The following IQGAP3 variants were observed in gnomAD, a reference collection of about 807,000 sequenced individuals.
IQGAP3 encodes ras GTPase-activating-like protein IQGAP3.
Under a neutral mutation model 208.2 loss-of-function variants are expected in IQGAP3, and 165 were observed. The observed-to-expected ratio is 0.79, with a 90% CI of 0.70 to 0.90. The LOEUF (loss-of-function observed/expected upper bound fraction) is 0.90, where lower values mean the gene tolerates loss of function less well. Among genes scored for constraint, IQGAP3 ranks in the 40% least tolerant of loss-of-function variants. The probability of loss-of-function intolerance (pLI) is 0.00; values close to 1 mark genes in which losing one functional copy is unlikely to be tolerated. For synonymous variants in IQGAP3, 703 were observed against 803.6 expected, an observed-to-expected ratio of 0.87 and a Z score of 2.12; for missense variants, 1,811 against 2,043.1, an observed-to-expected ratio of 0.89 and a Z score of 2.19.
Position 156,537,041 on chromosome 1 carries a change from AG to A in IQGAP3, c.3422+139del. ...CTTCGAGCATTCCCCACATCTCTTC[AG>A]GAACCCCTCTGAGTACCCCTGGCTC... On this transcript the variant is annotated intron_variant, in intron 27 of 37. Transcript: ENST00000361170. 3.4e-6 allele frequency: 3 copies of A among 879,218 alleles called. No individual in the cohort carries two copies. The South Asian group carries it at 5.5e-5, about 16-fold the overall frequency. The allele number at this position is 879,218 out of a possible 1,614,324, so 54.5% of individuals were successfully genotyped here.
rs564259420 is a variant in IQGAP3 at position 156,531,369 on chromosome 1, G to A, written c.4104-122C>T. On this transcript the variant is annotated intron_variant, in intron 32 of 37. Transcript: ENST00000361170. Reference sequence around the variant, plus strand: ...CTATAGCATGGCTGCTAGGATATAAGGAGAGAGAGCGAGGGATAGGGGATG... The same window carrying A: ...CTATAGCATGGCTGCTAGGATATAAAGAGAGAGAGCGAGGGATAGGGGATG... 59 of 741,144 alleles carry A rather than the reference G, an allele frequency of 8.0e-5. No individual in the cohort carries two copies. The South Asian group carries it at 8.0e-4, about 10-fold the overall frequency. The allele number at this position is 741,144 out of a possible 1,614,324, so 45.9% of individuals were successfully genotyped here.
intron 10 of IQGAP3, among the ~76,000 whole-genome samples, 155 bp downstream of exon 10, chr1:156,561,683 T>C (rs1557943668): frequency 6.6e-6 from 1 of 152,304 alleles, no homozygotes; most frequent in East Asian, 1.9e-4. Context: ...AGCTGATCAA[T>C]CTGGTCTACT....
intron 35 of IQGAP3, 109 bp downstream of exon 35, chr1:156,528,807 T>G (rs1279555171): frequency 7.4e-7 from 1 of 1,343,666 alleles, no homozygotes; most frequent in Non-Finnish European, 1.0e-6. Flanking sequence ...GACTGTGCTG[T>G]GCTGGGTGAG....
intron 22 of IQGAP3, 61 bp downstream of exon 22, chr1:156,543,920 G>T: frequency 6.9e-7 from 1 of 1,445,400 alleles, no homozygotes; most frequent in Non-Finnish European, 9.7e-7. Context: ...GTCTAGACCT[G>T]CCTGGCTCTG....
chr1:156,552,357 T>C (rs898489842), intron 13 of IQGAP3, among the ~76,000 whole-genome samples: 2 of 152,182 alleles, frequency 1.3e-5, no homozygotes, highest in African/African-American at 4.8e-5. Flanking sequence ...CCCAATCTCA[T>C]GACTTTAACA....
chr1:156,566,365 A>G (rs1272863427), intron 3 of IQGAP3, 25 bp downstream of exon 3: 1 of 1,611,058 alleles, frequency 6.2e-7, no homozygotes, highest in Admixed American at 1.7e-5. Context: ...GGACGAAGGT[A>G]GAAGGTGGGG....
intron 9 of IQGAP3, among the ~76,000 whole-genome samples, 192 bp from the exon 10 acceptor site, chr1:156,562,193 C>T (rs2102435771): frequency 6.6e-6 from 1 of 152,144 alleles, no homozygotes; most frequent in South Asian, 2.1e-4. Flanking sequence ...ACTTCGCCGC[C>T]CCAGACCCCA....
chr1:156,563,899 G>T, intron 5 of IQGAP3, 75 bp from the exon 6 acceptor site: 1 of 1,253,256 alleles, frequency 8.0e-7, no homozygotes, highest in East Asian at 2.4e-5. Flanking sequence ...TGGGTTTGAA[G>T]GGGATACTAT....
At chr1:156,540,645 G>T in intron 23 of IQGAP3, 63 bp downstream of exon 23, 2 of 1,429,892 alleles carry the variant, frequency 1.4e-6, no homozygotes, top group South Asian at 2.3e-5. Flanking sequence ...GCAGAGAATG[G>T]TCAGCATCAC....
intron 37 of IQGAP3, 63 bp from the exon 38 acceptor site, chr1:156,526,662 G>A (rs1674079501): frequency 2.7e-6 from 3 of 1,128,192 alleles, no homozygotes; most frequent in South Asian, 2.5e-5. Context: ...GTCAGATGGT[G>A]TACAAAACAC....
At chr1:156,563,918 A>G (rs1676284034) in intron 5 of IQGAP3, 94 bp from the exon 6 acceptor site, 1 of 981,382 alleles carries the variant, frequency 1.0e-6, no homozygotes, top group Admixed American at 2.3e-5. Context: ...ATGGGGACCT[A>G]GAGATGAAGA....
chr1:156,569,165 C>T (rs1374651304), intron 2 of IQGAP3, among the ~76,000 whole-genome samples: 2 of 151,582 alleles, frequency 1.3e-5, no homozygotes, highest in African/African-American at 2.4e-5. Flanking sequence ...CGAACGTCCA[C>T]ATATTTTGGA....
chr1:156,563,905 A>G, intron 5 of IQGAP3, 81 bp from the exon 6 acceptor site: 1 of 1,143,810 alleles, frequency 8.7e-7, no homozygotes. Context: ...TGAAGGGGAT[A>G]CTATGGGGAC....
intron 27 of IQGAP3, 27 bp downstream of exon 27, chr1:156,537,154 A>G (rs1371307704): frequency 1.2e-6 from 2 of 1,604,500 alleles, no homozygotes; most frequent in African/African-American, 2.7e-5. Flanking sequence ...TCCCATGCGT[A>G]GGCTGGGGTG....
At chr1:156,547,422 C>G (rs1557931770) in intron 19 of IQGAP3, among the ~76,000 whole-genome samples, 3 of 144,316 alleles carry the variant, frequency 2.1e-5, no homozygotes, top group Admixed American at 6.9e-5. Context: ...CACACACACA[C>G]ACAGACACAC....
At chr1:156,553,616 T>C (rs1212334640) in intron 13 of IQGAP3, among the ~76,000 whole-genome samples, 3 of 150,552 alleles carry the variant, frequency 2.0e-5, no homozygotes, top group African/African-American at 7.3e-5. Flanking sequence ...AGTTTCGCTC[T>C]TGTTGCCCAG....
At chr1:156,537,406 T>C in intron 26 of IQGAP3, 85 bp from the exon 27 acceptor site, 1 of 1,324,868 alleles carries the variant, frequency 7.5e-7, no homozygotes, top group Non-Finnish European at 1.0e-6. Context: ...AACGCTTGTC[T>C]AACAACAAGA....
At chr1:156,560,071 C>T (rs1302438209) in intron 11 of IQGAP3, among the ~76,000 whole-genome samples, 1 of 152,198 alleles carries the variant, frequency 6.6e-6, no homozygotes, top group Non-Finnish European at 1.5e-5. Flanking sequence ...AACCTGACAG[C>T]AAGTCCAGAC....
Position 156,548,388 on chromosome 1 carries a change from C to T in IQGAP3, c.2093G>A (p.Cys698Tyr), listed in dbSNP as rs1254902286. ...GGTCAGGTGAGAGGTGTTGAGGGGG[C>T]AGCCAGGAGGTTGCTCCCAGATCCC... is the stretch of plus-strand genomic sequence containing the variant. ...FQGIWEQPPG[C>Y]PLNTSHLTRE... Residue 698 changes from cysteine (C) to tyrosine (Y), a missense_variant, in exon 18 of 38, where the codon TGC becomes TAC. Physicochemically the swap from Cys to Tyr is radical, Grantham distance 194. Transcript: ENST00000361170. The T allele has an allele frequency of 6.2e-7, 1 of 1,613,830 alleles. No individual in the cohort carries two copies. Among genetic ancestry groups the T allele is most frequent in the Non-Finnish European group, 8.5e-7 (1 of 1,179,978 alleles).
Sources: allele counts gnomAD v4.1 joint callset (sites outside exome capture counted in the v4.1 genomes callset), GRCh38; gene constraint gnomAD v4.1.1; transcripts MANE v1.5; gene names NCBI Gene and HGNC (gene_info 2026-07-23, HGNC 2026-07-21).